UBXN11: variants seen among roughly 807,000 people sequenced by gnomAD.
UBXN11 encodes the protein UBX domain-containing protein 11.
Under a neutral mutation model 62.8 loss-of-function variants are expected in UBXN11, and 47 were observed. That is an observed-to-expected ratio of 0.75 (90% CI 0.59 to 0.95). The LOEUF (loss-of-function observed/expected upper bound fraction) is 0.95. Among genes scored for constraint, UBXN11 ranks in the 40% least tolerant of loss-of-function variants. UBXN11 has a pLI of 0.00. For missense variants in UBXN11, 638 were observed against 661.7 expected (o/e 0.96, Z 0.39); for synonymous variants, 294 against 267.0 (o/e 1.10, Z -0.99).
chr1:26,284,074 G>A, intron 12 of UBXN11, 68 bp downstream of exon 12: 1 of 1,461,730 alleles, frequency 6.8e-7, no homozygotes, highest in South Asian at 1.3e-5. Context: ...ACACTGTTCT[G>A]GCAGGCTGGA....
chr1:26,303,792 C>T (rs541843580), intron 1 of UBXN11, among the ~76,000 whole-genome samples: 5 of 152,206 alleles, frequency 3.3e-5, no homozygotes, highest in Admixed American at 6.5e-5. Context: ...TCAGAGATAA[C>T]AGAGAAGGTC....
chr1:26,317,991 C>T (rs761065976), intron 1 of UBXN11: 2 of 1,612,342 alleles, frequency 1.2e-6, no homozygotes, highest in South Asian at 2.2e-5. Flanking sequence ...AAGCTGCTAC[C>T]AAGACAGCCA....
chr1:26,316,446 G>A (rs1468071614), intron 1 of UBXN11, among the ~76,000 whole-genome samples: 2 of 151,826 alleles, frequency 1.3e-5, no homozygotes, highest in African/African-American at 2.4e-5. Flanking sequence ...AGCTGGGGTT[G>A]TGGTGACCAA....
chr1:26,301,510 T>A (rs1457251564), intron 3 of UBXN11, among the ~76,000 whole-genome samples, 184 bp downstream of exon 3: 1 of 152,134 alleles, frequency 6.6e-6, no homozygotes, highest in Non-Finnish European at 1.5e-5. Context: ...CCTCCTAATC[T>A]GAGAGCTTCC....
At chr1:26,307,173 G>A (rs567260062), upstream of UBXN11, among the ~76,000 whole-genome samples, 6 of 152,298 alleles carry the variant, frequency 3.9e-5, no homozygotes, top group African/African-American at 1.2e-4. Flanking sequence ...GTTCCCTTGT[G>A]TTAAGAGTTG....
At chr1:26,317,814 C>T (rs999781099) in intron 1 of UBXN11, 12 of 566,698 alleles carry the variant, frequency 2.1e-5, no homozygotes, top group Admixed American at 3.1e-5. Context: ...GCCTTAGAAC[C>T]TAGAGCCTGG....
chr1:26,292,755 G>A (rs2073300877), intron 8 of UBXN11, among the ~76,000 whole-genome samples: 3 of 152,064 alleles, frequency 2.0e-5, no homozygotes, highest in South Asian at 2.1e-4. Context: ...TCAGGAGGCT[G>A]AGGCAGGAGA....
rs776542320 is a variant in UBXN11 at position 26,301,702 on chromosome 1, T to C, written c.92A>G (p.Tyr31Cys). Residue 31 changes from tyrosine to cysteine, a missense_variant, in exon 3 of 15, where the codon TAT becomes TGT. Physicochemically the swap from Tyr to Cys is radical, Grantham distance 194 (BLOSUM62 -2). Transcript: ENST00000374222. ...GGGCGGGGCACACTTACCATCTCCA[T>C]AGATGCGGATTCCTCGCCTCCTGGG... ...MNPGRRGIRI[Y>C]GDEDEVDMLS... The C allele has an allele frequency of 5.0e-6, 8 of 1,613,768 alleles. No individual in the cohort carries two copies. The highest frequency in any genetic ancestry group is 5.9e-6 in the Non-Finnish European group (7 of 1,179,922).
At chr1:26,284,302 C>T (rs2073073240) in intron 11 of UBXN11, 57 bp from the exon 12 acceptor site, 4 of 1,612,034 alleles carry the variant, frequency 2.5e-6, no homozygotes, top group African/African-American at 1.3e-5. Context: ...TGGTGGAGCC[C>T]CCCTGGAGTT....
At chr1:26,293,346 C>A (rs2124650080) in intron 8 of UBXN11, among the ~76,000 whole-genome samples, 1 of 152,134 alleles carries the variant, frequency 6.6e-6, no homozygotes, top group Middle Eastern at 3.4e-3. Context: ...GCCTGGTTTT[C>A]AGAAATGGCC....
intron 8 of UBXN11, 58 bp downstream of exon 8, chr1:26,294,147 C>CAGCA (rs763030134): frequency 7.5e-6 from 12 of 1,600,068 alleles, no homozygotes; most frequent in Non-Finnish European, 1.0e-5. Flanking sequence ...TGCCGGCCAA[C>CAGCA]AGCAAACTGT....
At chr1:26,292,250 G>C (rs2124647668) in intron 8 of UBXN11, among the ~76,000 whole-genome samples, 1 of 152,334 alleles carries the variant, frequency 6.6e-6, no homozygotes, top group South Asian at 2.1e-4. Flanking sequence ...GGGCACAGTG[G>C]CTCACAACTG....
At chr1:26,284,300 C>T in intron 11 of UBXN11, 55 bp from the exon 12 acceptor site, 17 of 1,609,934 alleles carry the variant, frequency 1.1e-5, no homozygotes, top group Non-Finnish European at 1.4e-5. Context: ...GGTGGTGGAG[C>T]CCCCCTGGAG....
intron 7 of UBXN11, among the ~76,000 whole-genome samples, chr1:26,294,963 T>G (rs913979209): frequency 1.3e-5 from 2 of 152,148 alleles, no homozygotes; most frequent in Non-Finnish European, 2.9e-5. Flanking sequence ...CCTTTCCAAT[T>G]TCCTTCACCG....
At chr1:26,285,659 A>T (rs1206019157) in intron 9 of UBXN11, 118 bp from the exon 10 acceptor site, 1 of 1,357,814 alleles carries the variant, frequency 7.4e-7, no homozygotes, top group African/African-American at 1.5e-5. Context: ...CTCTGGAAAC[A>T]TTCAGAGTCC....
chr1:26,283,917 GAC>G lies in UBXN11; in HGVS notation c.1077+223_1077+224del, dbSNP rs997627562. ...GGGCCTTGGGCTCACCCCTGGCCTG[GAC>G]TCTGACTTTAGCCCTCTTACAGCTA... On this transcript the variant is annotated intron_variant, in intron 12 of 14. Transcript: ENST00000374222. Among the ~76,000 whole-genome samples the G allele has an allele frequency of 2.4e-4, 36 of 152,182 alleles. 1 individual carries two copies. The highest frequency in any genetic ancestry group is 7.3e-5 in the Non-Finnish European group (5 of 68,034).
chr1:26,288,353 A>G (rs892548356), intron 8 of UBXN11, among the ~76,000 whole-genome samples: 17 of 152,188 alleles, frequency 1.1e-4, no homozygotes, highest in Admixed American at 9.2e-4. Context: ...GAAGCTTGCC[A>G]AGAAAATGGC....
intron 1 of UBXN11, among the ~76,000 whole-genome samples, chr1:26,315,260 A>C (rs2073780847): frequency 6.6e-6 from 1 of 152,226 alleles, no homozygotes; most frequent in Non-Finnish European, 1.5e-5. Context: ...CCTCGCATGC[A>C]TCTCCAGCAT....
rs2124629232 is a variant in UBXN11, at chr1:26,282,692, C to A, written c.1249G>T (p.Asp417Tyr). Residue 417 changes from aspartate to tyrosine, a missense_variant, in exon 14 of 15, where the codon GAC becomes TAC. Coordinates refer to ENST00000374222, the MANE Select transcript of UBXN11 (RefSeq NM_001389556.1). ...EQAFLLMMQP[D>Y]NTIGDVRALL... ...GCTCGCACGTCCCCAATGGTGTTGTCAGGCTGCATCATCAGTAGGAAGGCC... is the reference window on the plus strand; with the variant it reads ...GCTCGCACGTCCCCAATGGTGTTGTAAGGCTGCATCATCAGTAGGAAGGCC... The A allele has an allele frequency of 6.2e-7, 1 of 1,614,184 alleles. No homozygotes were observed. Among genetic ancestry groups the A allele is most frequent in the East Asian group, 2.2e-5 (1 of 44,880 alleles).
Sources: gnomAD v4.1 joint callset for allele counts (sites outside exome capture counted in the v4.1 genomes callset) on GRCh38, gnomAD v4.1.1 for gene constraint, MANE v1.5 for transcripts, NCBI Gene and HGNC (gene_info 2026-07-23, HGNC 2026-07-21) for gene names.